The following KCNC4 variants were observed in gnomAD, a reference collection of about 807,000 sequenced individuals.
KCNC4 encodes voltage-gated potassium channel KCNC4.
KCNC4 carries 23 observed loss-of-function variants against 42.8 expected under a neutral mutation model. That is an observed-to-expected ratio of 0.54 (90% CI 0.39 to 0.76). The LOEUF is 0.76. Among genes scored for constraint, KCNC4 ranks in the 30% least tolerant of loss-of-function variants. The probability of loss-of-function intolerance (pLI) is 0.00; values close to 1 mark genes in which losing one functional copy is unlikely to be tolerated. For missense variants in KCNC4, 751 were observed against 898.2 expected (o/e 0.84, Z 2.10); for synonymous variants, 422 against 393.5 (o/e 1.07, Z -0.86).
At chr1:110,235,327 G>GT (rs1658880290), downstream of KCNC4, 1 of 152,216 alleles carries the variant, frequency 6.6e-6, no homozygotes, top group Non-Finnish European at 1.5e-5. Context: ...AACAGTGGCT[G>GT]TGGCCCCCCT....
chr1:110,280,250 C>T (rs1015605626), intron 1 of KCNC4, among the ~76,000 whole-genome samples: 1 of 152,060 alleles, frequency 6.6e-6, no homozygotes, highest in Non-Finnish European at 1.5e-5. Context: ...CGACTAAGTT[C>T]AGGTTCATAC....
chr1:110,254,774 A>G (rs925397990), intron 1 of KCNC4, among the ~76,000 whole-genome samples: 2 of 152,204 alleles, frequency 1.3e-5, no homozygotes, highest in Non-Finnish European at 2.9e-5. Flanking sequence ...CACCTGGTCT[A>G]TCCCAAATAC....
At position 110,210,324 on chromosome 1, in the gene KCNC4, G is replaced by A. The variant is rs1376150176; in HGVS notation, c.-1176G>A. Among the ~76,000 whole-genome samples, 1 of 151,646 alleles carries A rather than the reference G, an allele frequency of 6.6e-6. No homozygotes were observed. Among genetic ancestry groups the A allele is most frequent in the Non-Finnish European group, 1.5e-5 (1 of 67,856 alleles). On this transcript the variant is annotated 5_prime_UTR_variant, in exon 1 of 4. Transcript: ENST00000438661. ...GGAGGAAAAGGCGCCACTGGGGCGT[G>A]GCGGCCGCTGCCAGCGCCGGAGGGA...
At position 110,278,841 on chromosome 1, in the gene KCNC4, T is replaced by C. The variant is rs143539689; in HGVS notation, n.31-3693T>C. 2.5e-3 allele frequency among the ~76,000 whole-genome samples: 388 copies of C among 152,300 alleles called. 1 individual carries two copies. Among genetic ancestry groups the C allele is most frequent in the African/African-American group, 9.0e-3 (373 of 41,562 alleles). On this transcript the variant is annotated intron_variant and non_coding_transcript_variant, in intron 1 of 2. Coordinates refer to the KCNC4 transcript ENST00000412512. ...TGGGAAGTGGGGACAGAGGTATCAC[T>C]TGTCACTGGGCTTTTCTCACTGCCA...
At chr1:110,220,796 A>G (rs545973780) in intron 1 of KCNC4, 2 of 152,288 alleles carry the variant, frequency 1.3e-5, no homozygotes, top group South Asian at 4.1e-4. Flanking sequence ...CCATTTACTT[A>G]ATGCCCATAT....
At chr1:110,283,610 T>C (rs1478210078), downstream of KCNC4, among the ~76,000 whole-genome samples, 2 of 152,206 alleles carry the variant, frequency 1.3e-5, no homozygotes, top group Non-Finnish European at 2.9e-5. Flanking sequence ...CTAGGCTTCC[T>C]TCAGTCAGAC....
downstream of KCNC4, among the ~76,000 whole-genome samples, chr1:110,283,960 C>A (rs937726135): frequency 2.0e-5 from 3 of 152,164 alleles, no homozygotes; most frequent in Non-Finnish European, 4.4e-5. Context: ...AACTGTGTTA[C>A]TTTGGGCACA....
chr1:110,212,161 C>A lies in KCNC4; in HGVS notation c.662C>A (p.Ser221Tyr). Residue 221 changes from serine (S) to tyrosine (Y), a missense_variant, in exon 1 of 4, where the codon TCC becomes TAC. Ser to Tyr is a moderately radical substitution (Grantham distance 144). This residue lies in a region of KCNC4 where 181 missense variants were observed against 167.3 expected (regional missense o/e 1.08). Transcript: ENST00000438661. ...TGGGCGCTCTTCGAGGATCCCTACT[C>A]CTCCCGGGCCGCTAGGGTGAGTGGC... ...RMWALFEDPY[S>Y]SRAARVVAFA... The A allele has an allele frequency of 1.3e-6, 2 of 1,507,608 alleles. No homozygotes were observed. The highest frequency in any genetic ancestry group is 1.7e-6 in the Non-Finnish European group (2 of 1,144,676). The allele number at this position is 1,507,608 out of a possible 1,614,324, so 93.4% of individuals were successfully genotyped here.
intron 1 of KCNC4, among the ~76,000 whole-genome samples, chr1:110,218,251 C>T (rs1302373008): frequency 1.3e-5 from 2 of 152,164 alleles, no homozygotes; most frequent in African/African-American, 4.8e-5. Context: ...AGTATCATTT[C>T]TTTGCATCCT....
intron 1 of KCNC4, among the ~76,000 whole-genome samples, chr1:110,256,300 C>G (rs557944442): frequency 1.3e-5 from 2 of 152,284 alleles, no homozygotes; most frequent in Admixed American, 6.5e-5. Flanking sequence ...AGGGTGGAAC[C>G]AGAAGAGCAC....
At chr1:110,227,253 T>C (rs1046403424) in intron 3 of KCNC4, among the ~76,000 whole-genome samples, 3 of 152,200 alleles carry the variant, frequency 2.0e-5, no homozygotes, top group African/African-American at 4.8e-5. Context: ...CTGTGATGCC[T>C]CTGTCCCTCT....
chr1:110,263,078 G>A (rs1208853445), intron 1 of KCNC4, among the ~76,000 whole-genome samples: 3 of 152,208 alleles, frequency 2.0e-5, no homozygotes, highest in African/African-American at 7.2e-5. Flanking sequence ...TTTTTCTGTG[G>A]TGGAGGGAGT....
exon 4 of KCNC4, chr1:110,249,034 G>A (rs1430731971): frequency 2.0e-5 from 3 of 152,230 alleles, no homozygotes; most frequent in African/African-American, 4.8e-5. Context: ...CAGCTCAAGG[G>A]TGAGGTCCTC....
At chr1:110,227,580 G>C (rs1658466633) in intron 3 of KCNC4, among the ~76,000 whole-genome samples, 3 of 152,212 alleles carry the variant, frequency 2.0e-5, no homozygotes, top group Admixed American at 1.3e-4. Flanking sequence ...CTTGGGCCTG[G>C]ATTTGGCCTT....
Position 110,211,600 on chromosome 1 carries a change from C to A in KCNC4, c.101C>A (p.Ala34Glu). 1 of 1,614,076 alleles carries A rather than the reference C, an allele frequency of 6.2e-7. No individual in the cohort carries two copies. Among genetic ancestry groups the A allele is most frequent in the Non-Finnish European group, 8.5e-7 (1 of 1,179,978 alleles). Residue 34 changes from alanine to glutamate, a missense_variant, in exon 1 of 4, where the codon GCG (alanine) becomes GAG (glutamate). By Grantham distance (107) the Ala-to-Glu change is moderately radical. Around this residue, in one of 4 missense-constraint regions of KCNC4, gnomAD observed 183 missense variants for 255.8 expected, o/e 0.72. Coordinates refer to ENST00000438661, the MANE Select transcript of KCNC4 (RefSeq NM_001039574.3). This position sits in a 1 kb window ranked among gnomAD's most constrained non-coding sequence, Gnocchi z 6.5. ...CLKEEMAKGEASEKIIINVGG... is the reference protein window; with the variant it reads ...CLKEEMAKGEESEKIIINVGG... ...AAGGAGGAGATGGCCAAGGGCGAGG[C>A]GTCGGAGAAGATCATCATCAACGTG...
At chr1:110,215,461 G>C (rs1439044022) in intron 1 of KCNC4, among the ~76,000 whole-genome samples, 1 of 152,166 alleles carries the variant, frequency 6.6e-6, no homozygotes, top group Non-Finnish European at 1.5e-5. Context: ...CAAGAGGCCT[G>C]GAGAATGGGG....
chr1:110,268,709 T>C (rs1274079630), intron 1 of KCNC4, among the ~76,000 whole-genome samples: 2 of 150,232 alleles, frequency 1.3e-5, no homozygotes, highest in Non-Finnish European at 3.0e-5. Context: ...GTTCTGCTCA[T>C]GTGGCTGGCC....
chr1:110,262,655 CCT>C, intron 1 of KCNC4, among the ~76,000 whole-genome samples: 1 of 152,292 alleles, frequency 6.6e-6, no homozygotes, highest in Middle Eastern at 3.4e-3. Context: ...TGTCCTTCTG[CCT>C]CACTGTCTCT....
In KCNC4 at chr1:110,211,940, C is replaced by T. The variant is rs1300157737; in HGVS notation, c.441C>T (p.Thr147=). Residue 147 remains threonine (T), a synonymous_variant, in exon 1 of 4, where the codon ACC becomes ACT. Coordinates refer to ENST00000438661, the MANE Select transcript of KCNC4 (RefSeq NM_001039574.3). The surrounding 1 kb of genome is among the most constrained non-coding windows in gnomAD (Gnocchi z 6.5). ...ETDVEPCCWM[T]YRQHRDAEEA... ...ACGTGGAACCCTGCTGCTGGATGAC[C>T]TACCGGCAGCACCGCGACGCCGAGG... 1 of 1,611,438 alleles carries T rather than the reference C, an allele frequency of 6.2e-7. No homozygotes were observed. Among genetic ancestry groups the T allele is most frequent in the South Asian group, 1.1e-5 (1 of 91,006 alleles).
Sources: gnomAD v4.1 joint callset for allele counts (sites outside exome capture counted in the v4.1 genomes callset) on GRCh38, gnomAD v4.1.1 for gene constraint, gnomAD v4.1.1 regional missense constraint, Gnocchi (gnomAD v3.1) non-coding constraint, MANE v1.5 for transcripts, NCBI Gene and HGNC (gene_info 2026-07-23, HGNC 2026-07-21) for gene names.